SLC38A10: variants seen among roughly 807,000 people sequenced by gnomAD.
SLC38A10 encodes the protein solute carrier family 38 member 10.
Under a neutral mutation model 81.0 loss-of-function variants are expected in SLC38A10, and 53 were observed. That is an observed-to-expected ratio of 0.65 (90% CI 0.53 to 0.82). The LOEUF (loss-of-function observed/expected upper bound fraction) is 0.82, where lower values mean the gene tolerates loss of function less well. Among genes scored for constraint, SLC38A10 ranks in the 40% least tolerant of loss-of-function variants. The probability of loss-of-function intolerance (pLI) is 0.00; values close to 1 mark genes in which losing one functional copy is unlikely to be tolerated. For synonymous variants in SLC38A10, 665 were observed against 655.3 expected, an observed-to-expected ratio of 1.01 and a Z score of -0.23; for missense variants, 1,471 against 1,545.0, an observed-to-expected ratio of 0.95 and a Z score of 0.80.
chr17:81,257,755 G>A (rs1567929772), intron 11 of SLC38A10, among the ~76,000 whole-genome samples: 1 of 152,236 alleles, frequency 6.6e-6, no homozygotes, highest in Non-Finnish European at 1.5e-5. Flanking sequence ...TCTCAGCCAG[G>A]CCCCTGCCTC....
In SLC38A10 at chr17:81,284,866, T is replaced by G; in HGVS notation, c.247A>C (p.Met83Leu). 1.3e-6 allele frequency: 2 copies of G among 1,545,016 alleles called. No homozygotes were observed. The highest frequency in any genetic ancestry group is 1.7e-6 in the Non-Finnish European group (2 of 1,144,018). The change falls in exon 3 of 16, where the codon ATG becomes CTG. Residue 83 changes from methionine to leucine, a missense_variant. By Grantham distance (15) the Met-to-Leu change is conservative. Coordinates refer to ENST00000374759, the MANE Select transcript of SLC38A10 (RefSeq NM_001037984.3). ...GGGGCTTACCTGGTCTCCACCAGCA[T>G]CTTGCCTGCCTTCCCGTAGGCGTGG... ...AFHAYGKAGK[M>L]LVETSMIGLM...
At position 81,246,108 on chromosome 17, in the gene SLC38A10, G is replaced by T; in HGVS notation, c.2808C>A (p.Gly936=). ...MKPKQVSRDL[G]LAADLPGGAE... ...CCCCACCGGGCAGGTCCGCTGCAAG[G>T]CCCAGGTCTCGGCTCACTTGCTTGG... is the stretch of plus-strand genomic sequence containing the variant. The change falls in exon 16 of 16, where the codon GGC becomes GGA. Residue 936 remains glycine, a synonymous_variant. Transcript: ENST00000374759. 6.2e-7 allele frequency: 1 copy of T among 1,608,784 alleles called. No individual in the cohort carries two copies. Among genetic ancestry groups the T allele is most frequent in the Non-Finnish European group, 8.5e-7 (1 of 1,179,534 alleles).
At chr17:81,280,488 C>T in intron 6 of SLC38A10, 121 bp downstream of exon 6, 2 of 1,432,152 alleles carry the variant, frequency 1.4e-6, no homozygotes, top group Non-Finnish European at 1.9e-6. Flanking sequence ...CTGAACAAGA[C>T]ATCACTCTTT....
chr17:81,246,530 G>A lies in SLC38A10; in HGVS notation c.2386C>T (p.Gln796Ter). The A allele has an allele frequency of 6.6e-7, 1 of 1,524,496 alleles. No individual in the cohort carries two copies. Among genetic ancestry groups the A allele is most frequent in the Non-Finnish European group, 8.8e-7 (1 of 1,138,236 alleles). The allele number at this position is 1,524,496 out of a possible 1,614,324, so 94.4% of individuals were successfully genotyped here. The change falls in exon 16 of 16, where the codon CAG (glutamine) becomes TAG (stop). Residue 796 changes from glutamine (Q) to a stop codon, truncating the protein, a stop_gained. Coordinates refer to ENST00000374759, the MANE Select transcript of SLC38A10 (RefSeq NM_001037984.3). LOFTEE classifies it low-confidence loss of function (END_TRUNC). ...RAPGGRPAPS[Q>*]DLNQRSLEHS... is the part of the protein sequence containing the mutation. ...TCCAGGGAGCGCTGGTTAAGGTCCT[G>A]GGATGGAGCAGGGCGGCCCCCAGGA...
chr17:81,252,994 AC>A (rs1779610034), intron 12 of SLC38A10, 78 bp downstream of exon 12: 2 of 1,534,502 alleles, frequency 1.3e-6, no homozygotes. Context: ...CCTGAGAGCC[AC>A]CCCGCAGGGT....
chr17:81,283,890 G>T lies in SLC38A10; in HGVS notation c.264-388C>A, dbSNP rs2063239413. 1.3e-5 allele frequency among the ~76,000 whole-genome samples: 2 copies of T among 150,830 alleles called. No homozygotes were observed. The highest frequency in any genetic ancestry group is 2.9e-5 in the Non-Finnish European group (2 of 67,820). ...CTCCCAAAGTGCTGGGATTACAGGCGTGAGCCACTGTGCCTGGCCAACAGA... is the reference window on the plus strand; with the variant it reads ...CTCCCAAAGTGCTGGGATTACAGGCTTGAGCCACTGTGCCTGGCCAACAGA... On this transcript the variant is annotated intron_variant, in intron 3 of 15. Coordinates refer to ENST00000374759, the MANE Select transcript of SLC38A10 (RefSeq NM_001037984.3). This position sits in a 1 kb window ranked among gnomAD's most constrained non-coding sequence, Gnocchi z 4.7.
rs1567949832 is a variant in SLC38A10, at chr17:81,289,261, C to G, written c.217+430G>C. 3.3e-5 allele frequency among the ~76,000 whole-genome samples: 5 copies of G among 152,042 alleles called. No homozygotes were observed. Among genetic ancestry groups the G allele is most frequent in the African/African-American group, 9.7e-5 (4 of 41,362 alleles). ...TTCACCATGTTGTCCAGGCTCGTCT[C>G]GAACTCCTGACCTCAAATAATCCGC... On this transcript the variant is annotated intron_variant, in intron 2 of 15. Transcript: ENST00000374759. The surrounding 1 kb of genome is among the most constrained non-coding windows in gnomAD (Gnocchi z 5.9).
At chr17:81,254,774 C>T (rs919918103) in intron 11 of SLC38A10, among the ~76,000 whole-genome samples, 11 of 152,226 alleles carry the variant, frequency 7.2e-5, no homozygotes, top group Non-Finnish European at 1.2e-4. Context: ...AGCGTATGGC[C>T]ACCCGCCTGA....
At chr17:81,249,425 G>GA in intron 14 of SLC38A10, among the ~76,000 whole-genome samples, 1 of 152,210 alleles carries the variant, frequency 6.6e-6, no homozygotes, top group African/African-American at 2.4e-5. Context: ...GAAGAGGAGG[G>GA]AGAAGGAGGG....
rs560014179 is a variant in SLC38A10, at chr17:81,277,100, C to T, written c.660G>A (p.Glu220=). The change falls in exon 7 of 16, where the codon GAG becomes GAA. Residue 220 remains glutamate, a synonymous_variant. Coordinates refer to ENST00000374759, the MANE Select transcript of SLC38A10 (RefSeq NM_001037984.3). This position sits in a 1 kb window ranked among gnomAD's most constrained non-coding sequence, Gnocchi z 4.5. ...TGGAGCTCATGGTTTTCACTGACGGCTCATCCAGGCTGTCGTAGGTGGGCA... is the reference window on the plus strand; with the variant it reads ...TGGAGCTCATGGTTTTCACTGACGGTTCATCCAGGCTGTCGTAGGTGGGCA... ...QVLPTYDSLD[E]PSVKTMSSIF... is the part of the protein sequence containing the mutation. 1 of 1,613,902 alleles carries T rather than the reference C, an allele frequency of 6.2e-7. No homozygotes were observed. The highest frequency in any genetic ancestry group is 1.7e-5 in the Admixed American group (1 of 59,998).
rs779329052 is a variant in SLC38A10 at position 81,277,172 on chromosome 17, A to G, written c.627-39T>C. 6.3e-7 allele frequency: 1 copy of G among 1,589,834 alleles called. No individual in the cohort carries two copies. The highest frequency in any genetic ancestry group is 8.6e-7 in the Non-Finnish European group (1 of 1,159,570). Reference sequence around the variant, plus strand: ...GGCCATTTCACAGCGGACCTGAGAGAGGCACGCCCTCCCCAGCGGCTCCAC... The same window carrying G: ...GGCCATTTCACAGCGGACCTGAGAGGGGCACGCCCTCCCCAGCGGCTCCAC... On this transcript the variant is annotated intron_variant, in intron 6 of 15. Coordinates refer to ENST00000374759, the MANE Select transcript of SLC38A10 (RefSeq NM_001037984.3). This position sits in a 1 kb window ranked among gnomAD's most constrained non-coding sequence, Gnocchi z 4.5.
Position 81,246,442 on chromosome 17 carries a change from T to C in SLC38A10, c.2474A>G (p.Glu825Gly), listed in dbSNP as rs1598374279. 2 of 1,594,068 alleles carry C rather than the reference T, an allele frequency of 1.3e-6. No homozygotes were observed. Among genetic ancestry groups the C allele is most frequent in the Non-Finnish European group, 8.5e-7 (1 of 1,170,598 alleles). The change falls in exon 16 of 16, where the codon GAG (glutamate) becomes GGG (glycine). Residue 825 changes from glutamate to glycine, a missense_variant. By Grantham distance (98) the Glu-to-Gly change is moderately conservative. This residue lies in a region of SLC38A10 where 751 missense variants were observed against 717.4 expected (regional missense o/e 1.05). Coordinates refer to ENST00000374759, the MANE Select transcript of SLC38A10 (RefSeq NM_001037984.3). ...CAGCTTGGCCTGGGCTGCCCGAGGC[T>C]CTGTGTCAGGGCCGCCGTCAGGAGG... The part of the protein sequence containing the change: ...AGPPDGGPDT[E>G]PRAAQAKLRD...
rs187258677 is a variant in SLC38A10 at position 81,251,549 on chromosome 17, C to T, written c.2009G>A (p.Arg670His). Residue 670 changes from arginine (R) to histidine (H), a missense_variant, in exon 14 of 16, where the codon CGC becomes CAC. Arg to His is a conservative substitution (Grantham distance 29, BLOSUM62 0). Transcript: ENST00000374759. The part of the protein sequence containing the change: ...APGPGLPPEP[R>H]EQRDVERAGG... ...CGCTCGCTCCACGTCCCTCTGCTCG[C>T]GAGGCTCGGGCGGCAGCCCAGGCCC... The T allele has an allele frequency of 2.9e-4, 443 of 1,526,172 alleles. No homozygotes were observed. In the African/African-American group the frequency reaches 4.9e-3, roughly 17 times the overall value. The allele number at this position is 1,526,172 out of a possible 1,614,324, so 94.5% of individuals were successfully genotyped here.
At chr17:81,269,792 G>A (rs1240525305) in intron 10 of SLC38A10, among the ~76,000 whole-genome samples, 4 of 151,878 alleles carry the variant, frequency 2.6e-5, no homozygotes, top group Non-Finnish European at 4.4e-5. Context: ...CAAGACCAGC[G>A]TGACCAACAC....
chr17:81,287,332 G>A (rs1252353110), intron 2 of SLC38A10, among the ~76,000 whole-genome samples: 1 of 152,218 alleles, frequency 6.6e-6, no homozygotes, highest in African/African-American at 2.4e-5. Flanking sequence ...CAGTCTGTGT[G>A]CGAGGACGGG....
Position 81,272,638 on chromosome 17 carries a change from G to T in SLC38A10, c.913-11C>A. The T allele has an allele frequency of 6.5e-7, 1 of 1,528,056 alleles. No individual in the cohort carries two copies. The highest frequency in any genetic ancestry group is 8.8e-7 in the Non-Finnish European group (1 of 1,140,734). The allele number at this position is 1,528,056 out of a possible 1,614,324, so 94.7% of individuals were successfully genotyped here. A position where few individuals can be genotyped will look rare whatever the true frequency, so the allele number is the denominator to read the frequency against. ...GGTGCCATCTTTTTGCTGTACAAAAGAAAAACAAAAGGTTTTGAAATGACT... is the reference window on the plus strand; with the variant it reads ...GGTGCCATCTTTTTGCTGTACAAAATAAAAACAAAAGGTTTTGAAATGACT... On this transcript the variant is annotated splice_polypyrimidine_tract_variant and intron_variant, in intron 8 of 15. Transcript: ENST00000374759.
chr17:81,245,748 A>G lies in SLC38A10; in HGVS notation c.3168T>C (p.Leu1056=), dbSNP rs1476026328. ...CCAGCTGACCCTCTGCATGAGGGCC[A>G]AGGTCCCGCCGTCGCCTCCGGAGGT... ...GSDLRRRRRD[L]GPHAEGQLAP... The change falls in exon 16 of 16, where the codon CTT becomes CTC. Residue 1056 remains leucine, a synonymous_variant. Coordinates refer to ENST00000374759, the MANE Select transcript of SLC38A10 (RefSeq NM_001037984.3). The G allele has an allele frequency of 6.3e-7, 1 of 1,595,802 alleles. No individual in the cohort carries two copies. The highest frequency in any genetic ancestry group is 2.3e-5 in the East Asian group (1 of 44,390).
chr17:81,249,783 C>T (rs1036283652), intron 14 of SLC38A10, among the ~76,000 whole-genome samples: 1 of 152,148 alleles, frequency 6.6e-6, no homozygotes, highest in African/African-American at 2.4e-5. Flanking sequence ...GTGCCCTAAG[C>T]AGCCTGCACT....
chr17:81,287,120 G>A (rs561259783), intron 2 of SLC38A10, among the ~76,000 whole-genome samples: 1 of 152,308 alleles, frequency 6.6e-6, no homozygotes, highest in Admixed American at 6.5e-5. Flanking sequence ...ACAGCAAATA[G>A]GACAGGGAAA....
Sources: allele counts gnomAD v4.1 joint callset (sites outside exome capture counted in the v4.1 genomes callset), GRCh38; gene constraint gnomAD v4.1.1; regional missense constraint gnomAD v4.1.1; non-coding constraint Gnocchi (gnomAD v3.1); transcripts MANE v1.5; gene names NCBI Gene and HGNC (gene_info 2026-07-23, HGNC 2026-07-21).